Variants in LYPD6 observed in about 807,000 individuals in gnomAD.
The protein encoded by LYPD6 is LY6/PLAUR domain containing 6, also known as ly6/PLAUR domain-containing protein 6.
LYPD6 carries 15 observed loss-of-function variants against 22.7 expected under a neutral mutation model. The ratio of observed to expected loss-of-function variants is 0.66; its 90% CI spans 0.44 to 1.02. The LOEUF (loss-of-function observed/expected upper bound fraction) is 1.02, where lower values mean the gene tolerates loss of function less well. Ranked by LOEUF, LYPD6 falls within the 50% of genes least tolerant of loss-of-function variation. LYPD6 has a pLI of 0.00. For missense variants in LYPD6, 189 were observed against 208.4 expected (o/e 0.91, Z 0.57); for synonymous variants, 72 against 77.5 (o/e 0.93, Z 0.37).
At chr2:149,441,614 A>G (rs895224084) in intron 2 of LYPD6, among the ~76,000 whole-genome samples, 5 of 152,192 alleles carry the variant, frequency 3.3e-5, no homozygotes, top group South Asian at 2.1e-4. Context: ...GTTCTTTTCT[A>G]TAATCCTTGT....
At chr2:149,397,424 G>A (rs1682451140) in intron 1 of LYPD6, among the ~76,000 whole-genome samples, 1 of 152,152 alleles carries the variant, frequency 6.6e-6, no homozygotes. Flanking sequence ...AAAACTGCTG[G>A]TCTTCATAAT....
At chr2:149,361,106 C>T (rs763331590) in intron 1 of LYPD6, among the ~76,000 whole-genome samples, 31 of 152,138 alleles carry the variant, frequency 2.0e-4, no homozygotes, top group Non-Finnish European at 3.8e-4. Flanking sequence ...GGGAGATACC[C>T]AGATAAATGA....
intron 1 of LYPD6, among the ~76,000 whole-genome samples, chr2:149,396,391 C>G (rs900048136): frequency 6.6e-6 from 1 of 152,042 alleles, no homozygotes; most frequent in South Asian, 2.1e-4. Flanking sequence ...GCCTGCAGCC[C>G]TGCTTCTTCC....
chr2:149,408,560 A>C lies in LYPD6; in HGVS notation c.-71-29078A>C, dbSNP rs574964061. Among the ~76,000 whole-genome samples, 5 of 152,260 alleles carry C rather than the reference A, an allele frequency of 3.3e-5. No individual in the cohort carries two copies. In the South Asian group the frequency reaches 1.0e-3, roughly 32 times the overall value. ...GAACGCCTATTACTCTTAGAGTTGG[A>C]CATTTAACAGAGTCCCAAACTTCTT... On this transcript the variant is annotated intron_variant, in intron 1 of 4. Transcript: ENST00000334166.
chr2:149,476,733 A>G (rs941251924), downstream of LYPD6, among the ~76,000 whole-genome samples: 4 of 152,190 alleles, frequency 2.6e-5, no homozygotes, highest in African/African-American at 9.7e-5. Context: ...TCTTCCATCT[A>G]CAGAGGAGCG....
intron 1 of LYPD6, among the ~76,000 whole-genome samples, chr2:149,418,497 T>A (rs2105129939): frequency 6.6e-6 from 1 of 152,338 alleles, no homozygotes; most frequent in Admixed American, 6.5e-5. Context: ...TACATTTTGA[T>A]CTGTATTGAT....
chr2:149,336,941 G>GTGTGTA (rs1681046698), intron 1 of LYPD6, among the ~76,000 whole-genome samples: 1 of 151,892 alleles, frequency 6.6e-6, no homozygotes, highest in African/African-American at 2.4e-5. Context: ...GTGTGTGTGT[G>GTGTGTA]TGTGTGTGTG....
chr2:149,416,146 C>A (rs1682957314), intron 1 of LYPD6, among the ~76,000 whole-genome samples: 1 of 152,202 alleles, frequency 6.6e-6, no homozygotes, highest in African/African-American at 2.4e-5. Context: ...GGAAGGTTAG[C>A]ATGACAAACT....
chr2:149,441,029 A>G (rs528684242), intron 2 of LYPD6, among the ~76,000 whole-genome samples: 11 of 152,108 alleles, frequency 7.2e-5, no homozygotes, highest in African/African-American at 1.7e-4. Context: ...TTAAATCAGT[A>G]TTAACTTCTA....
intron 1 of LYPD6, among the ~76,000 whole-genome samples, chr2:149,432,813 G>C (rs192195598): frequency 2.0e-5 from 3 of 152,230 alleles, no homozygotes; most frequent in Admixed American, 2.0e-4. Context: ...AGAACATTCT[G>C]TTTCATATTG....
intron 1 of LYPD6, among the ~76,000 whole-genome samples, chr2:149,389,666 T>A (rs139639437): frequency 6.6e-6 from 1 of 152,126 alleles, no homozygotes; most frequent in South Asian, 2.1e-4. Context: ...CAATGGGGTT[T>A]AGGTTTGGTA....
chr2:149,461,537 T>C (rs530053775), intron 3 of LYPD6, among the ~76,000 whole-genome samples: 1 of 152,100 alleles, frequency 6.6e-6, no homozygotes, highest in East Asian at 1.9e-4. Flanking sequence ...ATTCATTTTA[T>C]CAAGCTGGAG....
At chr2:149,460,601 A>G (rs1183589341) in intron 3 of LYPD6, among the ~76,000 whole-genome samples, 1 of 152,182 alleles carries the variant, frequency 6.6e-6, no homozygotes, top group African/African-American at 2.4e-5. Flanking sequence ...CAGCAAAGAT[A>G]TAGAAGAATT....
At chr2:149,343,136 G>A (rs748692168) in intron 1 of LYPD6, among the ~76,000 whole-genome samples, 1 of 152,140 alleles carries the variant, frequency 6.6e-6, no homozygotes, top group Non-Finnish European at 1.5e-5. Context: ...TCTACAAGAC[G>A]TCTTGTAGAG....
chr2:149,377,231 G>A (rs1238565738), intron 1 of LYPD6, among the ~76,000 whole-genome samples: 1 of 150,610 alleles, frequency 6.6e-6, no homozygotes, highest in Non-Finnish European at 1.5e-5. Context: ...AACATGCGGA[G>A]TGATGTTGTC....
Position 149,367,249 on chromosome 2 carries a change from G to A in LYPD6, c.-72+36527G>A, listed in dbSNP as rs145681072. Reference sequence around the variant, plus strand: ...AGGGATCTCATCTGAAAGCTCAACCGGGAAAGATCCACTTCCATGCTCCCA... The same window carrying A: ...AGGGATCTCATCTGAAAGCTCAACCAGGAAAGATCCACTTCCATGCTCCCA... On this transcript the variant is annotated intron_variant, in intron 1 of 4. Coordinates refer to ENST00000334166, the MANE Select transcript of LYPD6 (RefSeq NM_194317.5). Among the ~76,000 whole-genome samples, 1,086 of 152,186 alleles carry A rather than the reference G, an allele frequency of 7.1e-3. 8 individuals carry two copies. The highest frequency in any genetic ancestry group is 0.015 in the South Asian group (70 of 4,812).
At chr2:149,365,727 G>C (rs1404032367) in intron 1 of LYPD6, among the ~76,000 whole-genome samples, 184 of 152,220 alleles carry the variant, frequency 1.2e-3, no homozygotes, top group Admixed American at 3.0e-3. Flanking sequence ...TACTACACTT[G>C]ATCTTAGCCA....
chr2:149,432,885 GCTGA>G lies in LYPD6; in HGVS notation c.-71-4746_-71-4743del, dbSNP rs372509578. 5.7e-4 allele frequency among the ~76,000 whole-genome samples: 87 copies of G among 152,280 alleles called. 1 individual carries two copies. Among genetic ancestry groups the G allele is most frequent in the African/African-American group, 2.1e-3 (86 of 41,578 alleles). ...TATGTTCATTGGTTTTAGGTGAAAA[GCTGA>G]CTGACTTGTGCATAAAAAGTAAGTC... On this transcript the variant is annotated intron_variant, in intron 1 of 4. Transcript: ENST00000334166.
chr2:149,478,463 G>A (rs1681477859), downstream of LYPD6, among the ~76,000 whole-genome samples: 2 of 151,502 alleles, frequency 1.3e-5, no homozygotes, highest in South Asian at 4.2e-4. Context: ...TCACTCTGTT[G>A]CCCAGGTTAG....
Sources: allele counts gnomAD v4.1 joint callset (sites outside exome capture counted in the v4.1 genomes callset), GRCh38; gene constraint gnomAD v4.1.1; transcripts MANE v1.5; gene names NCBI Gene and HGNC (gene_info 2026-07-23, HGNC 2026-07-21).